The following TTC28 variants were observed in gnomAD, a reference collection of about 807,000 sequenced individuals.
TTC28 encodes the protein tetratricopeptide repeat domain 28.
Under a neutral mutation model 198.0 loss-of-function variants are expected in TTC28, and 61 were observed. The ratio of observed to expected loss-of-function variants is 0.31; its 90% confidence interval spans 0.25 to 0.38. TTC28 has a LOEUF of 0.38. Among genes scored for constraint, TTC28 ranks in the 10% least tolerant of loss-of-function variants. The pLI, the probability that TTC28 is intolerant of heterozygous loss-of-function variation, is 1.00. For missense variants in TTC28, 2,678 were observed against 3,164.0 expected (o/e 0.85, Z 3.69); for synonymous variants, 1,171 against 1,297.8 (o/e 0.90, Z 2.10).
chr22:28,551,287 T>C (rs1286573075), intron 2 of TTC28, among the ~76,000 whole-genome samples: 1 of 152,134 alleles, frequency 6.6e-6, no homozygotes, highest in Non-Finnish European at 1.5e-5. Context: ...CACAGCTAAA[T>C]TCTATTAGAC....
chr22:28,460,484 T>G (rs2047931714), intron 2 of TTC28, among the ~76,000 whole-genome samples: 1 of 152,082 alleles, frequency 6.6e-6, no homozygotes, highest in South Asian at 2.1e-4. Flanking sequence ...TGTACAGACC[T>G]GCAACTTGCT....
At chr22:28,343,575 TG>T (rs2045864990) in intron 2 of TTC28, among the ~76,000 whole-genome samples, 1 of 151,972 alleles carries the variant, frequency 6.6e-6, no homozygotes, top group Non-Finnish European at 1.5e-5. Flanking sequence ...CAATGTCCTC[TG>T]CCTAATTCAA....
intron 2 of TTC28, among the ~76,000 whole-genome samples, chr22:28,470,655 G>A (rs1434483598): frequency 2.6e-5 from 4 of 152,052 alleles, no homozygotes; most frequent in Admixed American, 6.6e-5. Context: ...ATCAGCATGC[G>A]TTTTTTGACA....
intron 5 of TTC28, among the ~76,000 whole-genome samples, chr22:28,210,783 G>A (rs909362627): frequency 1.3e-5 from 2 of 152,108 alleles, no homozygotes; most frequent in Non-Finnish European, 2.9e-5. Flanking sequence ...AGGAAATACA[G>A]AGAATGCCAC....
chr22:28,128,886 G>A (rs536400007), intron 6 of TTC28, among the ~76,000 whole-genome samples: 9 of 152,250 alleles, frequency 5.9e-5, no homozygotes, highest in African/African-American at 1.9e-4. Flanking sequence ...CTCACTTGCA[G>A]ACCTAAACAC....
At chr22:28,559,713 G>A (rs1251398245) in intron 2 of TTC28, among the ~76,000 whole-genome samples, 1 of 152,066 alleles carries the variant, frequency 6.6e-6, no homozygotes, top group African/African-American at 2.4e-5. Context: ...AGGATATCAC[G>A]TTCTCCAGTT....
intron 1 of TTC28, among the ~76,000 whole-genome samples, chr22:28,654,616 C>T (rs1294902966): frequency 6.6e-6 from 1 of 152,226 alleles, no homozygotes; most frequent in African/African-American, 2.4e-5. Context: ...GCGTGAGCCA[C>T]CATGCCTGGC....
At chr22:28,023,315 C>CTCTA (rs989254293) in intron 13 of TTC28, among the ~76,000 whole-genome samples, 4 of 152,346 alleles carry the variant, frequency 2.6e-5, no homozygotes, top group African/African-American at 9.6e-5. Flanking sequence ...AAGTATGAGG[C>CTCTA]TCTAGGGCCA....
intron 2 of TTC28, among the ~76,000 whole-genome samples, chr22:28,612,832 A>G (rs2146156716): frequency 6.6e-6 from 1 of 152,346 alleles, no homozygotes; most frequent in Middle Eastern, 3.4e-3. Context: ...CATTTAAAGT[A>G]GTGTTTAGAG....
intron 6 of TTC28, among the ~76,000 whole-genome samples, chr22:28,162,086 A>G (rs979972591): frequency 3.9e-5 from 6 of 152,194 alleles, no homozygotes; most frequent in Admixed American, 1.3e-4. Flanking sequence ...TCATACTTCC[A>G]AACACACCTT....
chr22:28,609,221 T>C (rs759572608), intron 2 of TTC28, among the ~76,000 whole-genome samples: 2 of 152,194 alleles, frequency 1.3e-5, no homozygotes, highest in Non-Finnish European at 2.9e-5. Context: ...AAAGAAAGTA[T>C]GTTTTTTGAA....
At chr22:28,133,573 T>C (rs1459211240) in intron 6 of TTC28, among the ~76,000 whole-genome samples, 1 of 152,190 alleles carries the variant, frequency 6.6e-6, no homozygotes, top group African/African-American at 2.4e-5. Flanking sequence ...AACCCGCGCA[T>C]GGCTCAGAGG....
At chr22:28,067,560 G>C (rs1408176493) in intron 12 of TTC28, among the ~76,000 whole-genome samples, 1 of 152,102 alleles carries the variant, frequency 6.6e-6, no homozygotes, top group Non-Finnish European at 1.5e-5. Context: ...GTGTTTCTAA[G>C]TGTCTCTACT....
intron 5 of TTC28, among the ~76,000 whole-genome samples, chr22:28,165,896 G>C (rs1216427293): frequency 6.6e-6 from 1 of 152,146 alleles, no homozygotes; most frequent in Non-Finnish European, 1.5e-5. Flanking sequence ...ATTGGATAAA[G>C]AGTCAAGACC....
intron 13 of TTC28, among the ~76,000 whole-genome samples, chr22:28,021,095 T>C (rs1938577777): frequency 6.6e-6 from 1 of 151,984 alleles, no homozygotes; most frequent in Non-Finnish European, 1.5e-5. Flanking sequence ...AGCGTCTACG[T>C]GGGGTCAGCA....
At chr22:28,524,250 G>A (rs1035112227) in intron 2 of TTC28, among the ~76,000 whole-genome samples, 22 of 152,008 alleles carry the variant, frequency 1.4e-4, no homozygotes, top group Non-Finnish European at 5.9e-5. Context: ...CAGGTCAGGA[G>A]ATCGAGACCA....
intron 2 of TTC28, among the ~76,000 whole-genome samples, chr22:28,342,023 T>C (rs2045839692): frequency 6.6e-6 from 1 of 152,086 alleles, no homozygotes; most frequent in Non-Finnish European, 1.5e-5. Flanking sequence ...TATTTTAATG[T>C]TAGTAAATTT....
At chr22:28,113,749 A>G (rs1398983944) in intron 6 of TTC28, among the ~76,000 whole-genome samples, 1 of 152,232 alleles carries the variant, frequency 6.6e-6, no homozygotes, top group African/African-American at 2.4e-5. Flanking sequence ...TAGATGAAAC[A>G]AGATTAGCAA....
chr22:28,472,479 A>G (rs563257040), intron 2 of TTC28, among the ~76,000 whole-genome samples: 18 of 151,934 alleles, frequency 1.2e-4, no homozygotes, highest in Admixed American at 9.8e-4. Context: ...TTACTAATAG[A>G]TTATTGAATT....
Sources: gnomAD v4.1 joint callset for allele counts (sites outside exome capture counted in the v4.1 genomes callset) on GRCh38, gnomAD v4.1.1 for gene constraint, MANE v1.5 for transcripts, NCBI Gene and HGNC (gene_info 2026-07-23, HGNC 2026-07-21) for gene names.